Variants in HYAL4 observed in about 807,000 individuals in gnomAD.
HYAL4 encodes hyaluronidase-4.
In HYAL4, 37 loss-of-function variants were observed where a neutral mutation model predicts 35.2. The ratio of observed to expected loss-of-function variants is 1.05; its 90% CI spans 0.81 to 1.38. The LOEUF is 1.38. HYAL4 is among the 40% of genes most tolerant of loss of function. HYAL4 has a pLI of 0.00. For missense variants in HYAL4, 572 were observed against 572.4 expected (o/e 1.00, Z 0.01); for synonymous variants, 198 against 203.2 (o/e 0.97, Z 0.22).
chr7:123,787,307 T>A, the HYAL4 span, among the ~76,000 whole-genome samples: 3 of 151,982 alleles, frequency 2.0e-5, no homozygotes. Context: ...TCTTTTACAT[T>A]TTAAATTTTT....
At chr7:123,801,161 A>G in the HYAL4 span, among the ~76,000 whole-genome samples, 1 of 152,162 alleles carries the variant, frequency 6.6e-6, no homozygotes. Context: ...CTAAAAATAC[A>G]AAGAATCAGC....
At chr7:123,767,309 TTTA>T in the HYAL4 span, among the ~76,000 whole-genome samples, 1 of 152,220 alleles carries the variant, frequency 6.6e-6, no homozygotes, top group Non-Finnish European at 1.5e-5. Context: ...TAGCTTATGT[TTTA>T]TTATTGTTGT....
the HYAL4 span, among the ~76,000 whole-genome samples, chr7:123,774,371 C>T: frequency 6.6e-6 from 1 of 152,078 alleles, no homozygotes; most frequent in Admixed American, 6.6e-5. Context: ...CTATGTTTTG[C>T]TCACTGGGTG....
chr7:123,839,818 T>A (rs1806024284), intron 1 of HYAL4, among the ~76,000 whole-genome samples: 2 of 111,526 alleles, frequency 1.8e-5, no homozygotes, highest in South Asian at 6.0e-4. Context: ...CTTTGCCCAC[T>A]TTTTAATGGG....
Position 123,835,401 on chromosome 7 carries a change from T to C in HYAL4, c.-257+6277T>C, listed in dbSNP as rs1805949249. The stretch of plus-strand genomic sequence containing the variant: ...TCATAGTAGCCTTGAAATGATCTTT[T>C]ATATTTCAGTGGTGTCAGTTGTAGT... On this transcript the variant is annotated intron_variant, in intron 1 of 4. Coordinates refer to the HYAL4 transcript ENST00000489978. 1.3e-5 allele frequency among the ~76,000 whole-genome samples: 2 copies of C among 152,168 alleles called. 1 individual carries two copies. The highest frequency in any genetic ancestry group is 2.9e-5 in the Non-Finnish European group (2 of 68,014).
the HYAL4 span, among the ~76,000 whole-genome samples, chr7:123,772,741 T>A: frequency 5.8e-4 from 89 of 152,284 alleles, no homozygotes; most frequent in Non-Finnish European, 1.1e-3. Flanking sequence ...CGAAATGGAA[T>A]TATAGAAAAT....
At chr7:123,854,843 T>A (rs936054917) in intron 2 of HYAL4, among the ~76,000 whole-genome samples, 5 of 152,184 alleles carry the variant, frequency 3.3e-5, no homozygotes, top group Admixed American at 2.0e-4. Context: ...CCACTATTAT[T>A]GTGTGGGAGT....
the HYAL4 span, among the ~76,000 whole-genome samples, chr7:123,775,650 A>G: frequency 2.9e-4 from 44 of 152,196 alleles, no homozygotes; most frequent in Non-Finnish European, 4.0e-4. Context: ...GACTTGATGT[A>G]GCCTTCTTCA....
chr7:123,833,324 A>G (rs1018297448), intron 1 of HYAL4, among the ~76,000 whole-genome samples: 1 of 152,174 alleles, frequency 6.6e-6, no homozygotes, highest in African/African-American at 2.4e-5. Context: ...CATTTCCCTC[A>G]TCATTAGTGA....
rs138682689 is a variant in HYAL4 at position 123,847,165 on chromosome 7, A to G, written c.-121-924A>G. Among the ~76,000 whole-genome samples, 11 of 152,330 alleles carry G rather than the reference A, an allele frequency of 7.2e-5. No individual in the cohort carries two copies. The East Asian group carries it at 2.1e-3, about 29-fold the overall frequency. On this transcript the variant is annotated intron_variant, in intron 1 of 4. Transcript: ENST00000223026. ...AGTCTAGTCCTGCCTCTTGTCTGCC[A>G]TGATTTCCTAGAATAACTTTCTACT...
At chr7:123,850,456 G>T (rs1240010576) in intron 2 of HYAL4, among the ~76,000 whole-genome samples, 1 of 152,086 alleles carries the variant, frequency 6.6e-6, no homozygotes, top group African/African-American at 2.4e-5. Flanking sequence ...GCTCAAGCTG[G>T]TCTCTAACTC....
intron 3 of HYAL4, among the ~76,000 whole-genome samples, chr7:123,872,323 C>T (rs1806904223): frequency 6.6e-6 from 1 of 152,170 alleles, no homozygotes; most frequent in Admixed American, 6.5e-5. Context: ...GTGAGATGTG[C>T]TTTTAAAAAT....
chr7:123,837,204 T>C (rs1157094665), intron 1 of HYAL4, among the ~76,000 whole-genome samples: 1 of 152,214 alleles, frequency 6.6e-6, no homozygotes, highest in Non-Finnish European at 1.5e-5. Context: ...CTTAAAATTG[T>C]TTTGTTTAAG....
At chr7:123,873,408 A>G (rs1056397684) in intron 3 of HYAL4, among the ~76,000 whole-genome samples, 28 of 152,256 alleles carry the variant, frequency 1.8e-4, no homozygotes, top group African/African-American at 6.3e-4. Flanking sequence ...CCCAGAAAAA[A>G]AAAAAAAAAA....
the HYAL4 span, among the ~76,000 whole-genome samples, chr7:123,806,616 T>TA: frequency 1.5e-4 from 23 of 151,608 alleles, no homozygotes; most frequent in African/African-American, 5.1e-4. Flanking sequence ...AGTAATTTTG[T>TA]ATTTTTTTTT....
At chr7:123,841,022 A>G (rs1367305325), upstream of HYAL4, among the ~76,000 whole-genome samples, 6 of 151,930 alleles carry the variant, frequency 3.9e-5, no homozygotes, top group East Asian at 3.9e-4. Context: ...TTCCAACACT[A>G]TGTTGAATAG....
chr7:123,821,883 A>G, the HYAL4 span, among the ~76,000 whole-genome samples: 4 of 151,810 alleles, frequency 2.6e-5, no homozygotes, highest in African/African-American at 9.7e-5. Context: ...AGTTTTCCCA[A>G]CTCCATCTCT....
the HYAL4 span, among the ~76,000 whole-genome samples, chr7:123,790,925 C>T: frequency 4.6e-5 from 7 of 151,814 alleles, no homozygotes; most frequent in African/African-American, 9.7e-5. Context: ...CCACCACACT[C>T]GGCTAATTTT....
the HYAL4 span, among the ~76,000 whole-genome samples, chr7:123,809,642 G>A: frequency 6.6e-6 from 1 of 151,834 alleles, no homozygotes; most frequent in South Asian, 2.1e-4. Flanking sequence ...CCAGTGTTCT[G>A]CCCCCTTCAG....
Sources: allele counts gnomAD v4.1 joint callset (sites outside exome capture counted in the v4.1 genomes callset), GRCh38; gene constraint gnomAD v4.1.1; transcripts MANE v1.5; gene names NCBI Gene and HGNC (gene_info 2026-07-23, HGNC 2026-07-21).